Variants in COL5A2 observed in about 807,000 individuals in gnomAD.
COL5A2 encodes the protein collagen alpha-2(V) chain.
Under a neutral mutation model 208.2 loss-of-function variants are expected in COL5A2, and 23 were observed. The observed-to-expected ratio is 0.11, with a 90% CI of 0.08 to 0.16. COL5A2 has a LOEUF of 0.16. COL5A2 is among the 10% of genes least tolerant of loss of function. The probability of loss-of-function intolerance (pLI) is 1.00; values close to 1 mark genes in which losing one functional copy is unlikely to be tolerated. For missense variants in COL5A2, 1,590 were observed against 1,956.4 expected, an observed-to-expected ratio of 0.81 and a Z score of 3.53; for synonymous variants, 625 against 628.5, an observed-to-expected ratio of 0.99 and a Z score of 0.08.
chr2:189,085,092 T>C, intron 11 of COL5A2, 68 bp downstream of exon 11: 1 of 1,260,742 alleles, frequency 7.9e-7, no homozygotes, highest in Non-Finnish European at 1.1e-6. Context: ...ATACAGAACA[T>C]TCTTGTTAAC....
At chr2:189,385,691 C>T in the COL5A2 span, among the ~76,000 whole-genome samples, 3 of 151,364 alleles carry the variant, frequency 2.0e-5, no homozygotes. Flanking sequence ...AGCAAAAGAA[C>T]AAAGCCAGAG....
the COL5A2 span, among the ~76,000 whole-genome samples, chr2:189,321,399 A>C: frequency 1.3e-5 from 2 of 152,238 alleles, no homozygotes; most frequent in African/African-American, 2.4e-5. Flanking sequence ...AAGACCCATC[A>C]GTGTGCTGTA....
chr2:189,189,425 T>G (rs1351213562), intron 1 of COL5A2, among the ~76,000 whole-genome samples: 1 of 152,224 alleles, frequency 6.6e-6, no homozygotes, highest in African/African-American at 2.4e-5. Flanking sequence ...ATGATGCCCC[T>G]GTAATTCCAG....
chr2:189,178,921 C>T (rs1688732532), intron 1 of COL5A2, among the ~76,000 whole-genome samples: 1 of 152,010 alleles, frequency 6.6e-6, no homozygotes, highest in African/African-American at 2.4e-5. Flanking sequence ...GAGAAACAAA[C>T]GAGACTGCCT....
chr2:189,297,784 C>T, the COL5A2 span, among the ~76,000 whole-genome samples: 1 of 152,166 alleles, frequency 6.6e-6, no homozygotes, highest in Non-Finnish European at 1.5e-5. Flanking sequence ...TGTTATTTCT[C>T]CACTCTATCT....
chr2:189,435,751 T>C, the COL5A2 span, among the ~76,000 whole-genome samples: 1 of 152,200 alleles, frequency 6.6e-6, no homozygotes, highest in Non-Finnish European at 1.5e-5. Flanking sequence ...AGTTCAACCA[T>C]TGTGGAAGAC....
chr2:189,236,895 T>C, the COL5A2 span, among the ~76,000 whole-genome samples: 6 of 151,894 alleles, frequency 4.0e-5, no homozygotes, highest in Non-Finnish European at 7.4e-5. Context: ...AATGTTTTTC[T>C]TTATAGTTAG....
intron 1 of COL5A2, among the ~76,000 whole-genome samples, chr2:189,188,880 A>G (rs1348714339): frequency 6.6e-6 from 1 of 152,206 alleles, no homozygotes; most frequent in Non-Finnish European, 1.5e-5. Flanking sequence ...CAGGGAAGTC[A>G]AAGTGATATA....
chr2:189,172,232 G>A (rs997682245), intron 1 of COL5A2, among the ~76,000 whole-genome samples: 1 of 152,188 alleles, frequency 6.6e-6, no homozygotes, highest in African/African-American at 2.4e-5. Context: ...AAGGGAAAGA[G>A]CAGATAGAAA....
intron 23 of COL5A2, among the ~76,000 whole-genome samples, chr2:189,065,977 T>G (rs1686139803): frequency 6.6e-6 from 1 of 152,242 alleles, no homozygotes; most frequent in Admixed American, 6.5e-5. Context: ...CATATATGTG[T>G]AGTTACTCTC....
chr2:189,193,094 G>A (rs1362347384), intron 1 of COL5A2, among the ~76,000 whole-genome samples: 2 of 152,132 alleles, frequency 1.3e-5, no homozygotes, highest in Admixed American at 1.3e-4. Context: ...CCTTGATCTT[G>A]GATTTCTCAG....
At chr2:189,318,912 AC>A in the COL5A2 span, among the ~76,000 whole-genome samples, 1 of 152,124 alleles carries the variant, frequency 6.6e-6, no homozygotes, top group South Asian at 2.1e-4. Flanking sequence ...CCAAATGGAC[AC>A]CCTGCATCTG....
At chr2:189,235,968 C>G in the COL5A2 span, among the ~76,000 whole-genome samples, 2 of 151,252 alleles carry the variant, frequency 1.3e-5, no homozygotes. Context: ...CTGCTACGTT[C>G]CAGGCAGAGG....
intron 6 of COL5A2, among the ~76,000 whole-genome samples, chr2:189,092,928 T>C (rs890018878): frequency 6.6e-6 from 1 of 152,188 alleles, no homozygotes; most frequent in Non-Finnish European, 1.5e-5. Flanking sequence ...ATGCTTTGCA[T>C]AGTTCCTGGT....
At chr2:189,434,330 G>C in the COL5A2 span, among the ~76,000 whole-genome samples, 1 of 152,090 alleles carries the variant, frequency 6.6e-6, no homozygotes, top group African/African-American at 2.4e-5. Context: ...TTCTGGCCAG[G>C]GTAATCAGGC....
the COL5A2 span, among the ~76,000 whole-genome samples, chr2:189,284,018 T>C: frequency 1.3e-5 from 2 of 152,138 alleles, no homozygotes; most frequent in Non-Finnish European, 1.5e-5. Context: ...TTTCTTAGAA[T>C]AGTTGGCAAG....
chr2:189,306,155 T>C, the COL5A2 span, among the ~76,000 whole-genome samples: 1 of 152,342 alleles, frequency 6.6e-6, no homozygotes, highest in East Asian at 1.9e-4. Flanking sequence ...ATGTGCTATG[T>C]ACATTTGTAT....
intron 3 of COL5A2, among the ~76,000 whole-genome samples, chr2:189,102,337 G>GT (rs1343822422): frequency 2.6e-5 from 4 of 151,950 alleles, no homozygotes; most frequent in African/African-American, 9.7e-5. Flanking sequence ...ATATATGACT[G>GT]TTCTGTTGCT....
chr2:189,108,615 T>C (rs1455895742), intron 2 of COL5A2, among the ~76,000 whole-genome samples: 1 of 151,888 alleles, frequency 6.6e-6, no homozygotes, highest in Admixed American at 6.6e-5. Context: ...TTTTCAGACA[T>C]GTGGTTGCCA....
Sources: gnomAD v4.1 joint callset for allele counts (sites outside exome capture counted in the v4.1 genomes callset) on GRCh38, gnomAD v4.1.1 for gene constraint, MANE v1.5 for transcripts, NCBI Gene and HGNC (gene_info 2026-07-23, HGNC 2026-07-21) for gene names.